Variants in APBA2 observed in about 807,000 individuals in gnomAD.
The protein encoded by APBA2 is amyloid-beta A4 precursor protein-binding family A member 2.
A neutral mutation model predicts 75.0 loss-of-function variants in APBA2; 30 were observed. The ratio of observed to expected loss-of-function variants is 0.40; its 90% CI spans 0.30 to 0.54. APBA2 has a LOEUF of 0.54. Ranked by LOEUF, APBA2 falls within the 20% of genes least tolerant of loss-of-function variation. The pLI, the probability that APBA2 is intolerant of heterozygous loss-of-function variation, is 0.49. For synonymous variants in APBA2, 444 were observed against 409.6 expected (o/e 1.08, Z -1.01); for missense variants, 801 against 1,016.1 (o/e 0.79, Z 2.88).
At chr15:28,996,763 T>C (rs530298883) in intron 3 of APBA2, among the ~76,000 whole-genome samples, 3 of 152,296 alleles carry the variant, frequency 2.0e-5, no homozygotes, top group Admixed American at 1.3e-4. Flanking sequence ...GGAAGGAGCA[T>C]GTGGTAAGCT....
chr15:29,081,391 ACATGCAGTCAG>A lies in APBA2; in HGVS notation c.1069+5303_1069+5313del, dbSNP rs2043077943. Among the ~76,000 whole-genome samples the A allele has an allele frequency of 2.6e-5, 4 of 152,334 alleles. No individual in the cohort carries two copies. The South Asian group carries it at 8.3e-4, about 32-fold the overall frequency. On this transcript the variant is annotated intron_variant, in intron 6 of 14. Coordinates refer to ENST00000683413, the MANE Select transcript of APBA2 (RefSeq NM_001353788.2). ...AACAAGATCATGTTTCTCCTGTACT[ACATGCAGTCAG>A]CAGGAATAGGGATTCGTCGTTTTAA...
chr15:29,058,124 T>C (rs2041982927), intron 4 of APBA2, among the ~76,000 whole-genome samples: 1 of 152,196 alleles, frequency 6.6e-6, no homozygotes, highest in Non-Finnish European at 1.5e-5. Context: ...TCCACCTCCT[T>C]TCGGTACAGA....
At chr15:28,915,208 C>T (rs1266921044) in intron 1 of APBA2, among the ~76,000 whole-genome samples, 3 of 151,684 alleles carry the variant, frequency 2.0e-5, no homozygotes, top group East Asian at 1.9e-4. Flanking sequence ...ACACACATAG[C>T]GCATACACAC....
At chr15:29,048,037 T>C (rs1170905890) in intron 3 of APBA2, among the ~76,000 whole-genome samples, 1 of 152,120 alleles carries the variant, frequency 6.6e-6, no homozygotes, top group Non-Finnish European at 1.5e-5. Flanking sequence ...GTAAAAAGAC[T>C]CAGTATTGTA....
At chr15:29,015,541 A>C (rs535862240) in intron 3 of APBA2, among the ~76,000 whole-genome samples, 215 of 152,338 alleles carry the variant, frequency 1.4e-3, no homozygotes, top group Non-Finnish European at 2.6e-3. Context: ...TCTTTTAGAA[A>C]ACAGATCCTG....
At chr15:29,031,213 A>G (rs777827932) in intron 3 of APBA2, among the ~76,000 whole-genome samples, 18 of 152,200 alleles carry the variant, frequency 1.2e-4, no homozygotes, top group Non-Finnish European at 1.8e-4. Flanking sequence ...CTGAAAATCT[A>G]TGTTTTTCAA....
At chr15:28,933,563 G>A (rs2034677419) in intron 2 of APBA2, among the ~76,000 whole-genome samples, 1 of 152,268 alleles carries the variant, frequency 6.6e-6, no homozygotes, top group African/African-American at 2.4e-5. Flanking sequence ...GAAAGAGAGT[G>A]TGGGGCTCAC....
chr15:29,095,339 G>T (rs982205671), intron 8 of APBA2, among the ~76,000 whole-genome samples: 3 of 151,802 alleles, frequency 2.0e-5, no homozygotes, highest in African/African-American at 7.3e-5. Context: ...TGAGGCAGGA[G>T]AATCACTTGA....
intron 2 of APBA2, among the ~76,000 whole-genome samples, chr15:28,979,367 G>A (rs1475458687): frequency 1.3e-5 from 2 of 152,146 alleles, no homozygotes; most frequent in Admixed American, 6.5e-5. Context: ...AATTTGCTTC[G>A]GGCCTCTGTT....
Position 29,098,465 on chromosome 15 carries a change from T to G in APBA2, c.1252-25T>G, listed in dbSNP as rs200227026. 4.7e-3 allele frequency: 7,522 copies of G among 1,594,582 alleles called. 26 individuals carry two copies. The highest frequency in any genetic ancestry group is 5.3e-3 in the Non-Finnish European group (6,155 of 1,162,206). On this transcript the variant is annotated intron_variant, in intron 8 of 14. Transcript: ENST00000683413. The stretch of plus-strand genomic sequence containing the variant: ...CTATTCCGAGTTGGTTTTTGGACTT[T>G]AACAATATCCACTGTCCTTCTTAGA...
At position 29,106,839 on chromosome 15, in the gene APBA2, C is replaced by T; in HGVS notation, c.1917+20C>T. 2 of 1,606,714 alleles carry T rather than the reference C, an allele frequency of 1.2e-6. No homozygotes were observed. Among genetic ancestry groups the T allele is most frequent in the Non-Finnish European group, 1.7e-6 (2 of 1,174,568 alleles). On this transcript the variant is annotated intron_variant, in intron 12 of 14. Transcript: ENST00000683413. ...ATCAAGGTAGGCACCCTGGGATCCTCCGCCCAGGGGTCACCTCAACCCTGC... is the reference window on the plus strand; with the variant it reads ...ATCAAGGTAGGCACCCTGGGATCCTTCGCCCAGGGGTCACCTCAACCCTGC...
At chr15:28,905,677 C>T (rs1347385891) in intron 1 of APBA2, among the ~76,000 whole-genome samples, 1 of 152,168 alleles carries the variant, frequency 6.6e-6, no homozygotes, top group African/African-American at 2.4e-5. Flanking sequence ...AGGTACATGC[C>T]ACCGCACCTG....
intron 2 of APBA2, among the ~76,000 whole-genome samples, chr15:28,985,579 C>T (rs2037877619): frequency 6.6e-6 from 1 of 152,146 alleles, no homozygotes; most frequent in African/African-American, 2.4e-5. Flanking sequence ...GGATTTTGGA[C>T]TTCGTTTTTC....
chr15:28,940,471 TGAACCCGG>T (rs2035149278), intron 2 of APBA2, among the ~76,000 whole-genome samples: 1 of 129,212 alleles, frequency 7.7e-6, no homozygotes, highest in South Asian at 2.5e-4. Context: ...TGAACCCGGG[TGAACCCGG>T]GAGGTGGAGC....
At chr15:29,040,604 C>T (rs62007189) in intron 3 of APBA2, among the ~76,000 whole-genome samples, 5 of 152,178 alleles carry the variant, frequency 3.3e-5, no homozygotes, top group African/African-American at 4.8e-5. Flanking sequence ...ACCGCACTGA[C>T]GTTAACTCCA....
intron 3 of APBA2, among the ~76,000 whole-genome samples, chr15:29,013,319 G>A (rs1033450199): frequency 2.5e-5 from 3 of 120,998 alleles, no homozygotes; most frequent in Non-Finnish European, 4.7e-5. Flanking sequence ...TTGCTCTTTC[G>A]CCCAGGCCGG....
chr15:28,997,356 CAA>C lies in APBA2; in HGVS notation c.-41+1552_-41+1553del, dbSNP rs202073533. Among the ~76,000 whole-genome samples, 1,122 of 152,266 alleles carry C rather than the reference CAA, an allele frequency of 7.4e-3. 2 individuals are homozygous for C. The highest frequency in any genetic ancestry group is 0.012 in the Non-Finnish European group (810 of 68,012). On this transcript the variant is annotated intron_variant, in intron 3 of 14. Coordinates refer to ENST00000683413, the MANE Select transcript of APBA2 (RefSeq NM_001353788.2). ...GAAATTTTTCTCAGTTGTCAGTTTT[CAA>C]AGTTTGTGAATGTACTTTTGTGCTC...
intron 2 of APBA2, among the ~76,000 whole-genome samples, chr15:28,962,331 G>T (rs997126578): frequency 6.6e-6 from 1 of 151,918 alleles, no homozygotes; most frequent in Non-Finnish European, 1.5e-5. Flanking sequence ...CAGCACTTTG[G>T]GATGCAGAGG....
chr15:29,108,935 C>T (rs2044585599), intron 13 of APBA2, among the ~76,000 whole-genome samples: 2 of 152,200 alleles, frequency 1.3e-5, no homozygotes. Flanking sequence ...ACCAGTTCCC[C>T]AGGCCAGAGT....
Sources: allele counts gnomAD v4.1 joint callset (sites outside exome capture counted in the v4.1 genomes callset), GRCh38; gene constraint gnomAD v4.1.1; transcripts MANE v1.5; gene names NCBI Gene and HGNC (gene_info 2026-07-23, HGNC 2026-07-21).